The following CNTNAP5 variants were observed in gnomAD, a reference collection of about 807,000 sequenced individuals.
CNTNAP5 encodes contactin associated protein family member 5, also known as contactin-associated protein-like 5.
Under a neutral mutation model 150.2 loss-of-function variants are expected in CNTNAP5, and 72 were observed. That is an observed-to-expected ratio of 0.48 (90% CI 0.40 to 0.58). CNTNAP5 has a LOEUF of 0.58. Ranked by LOEUF, CNTNAP5 falls within the 20% of genes least tolerant of loss-of-function variation. CNTNAP5 has a pLI of 0.00. For missense variants in CNTNAP5, 1,636 were observed against 1,626.2 expected, an observed-to-expected ratio of 1.01 and a Z score of -0.10; for synonymous variants, 672 against 619.8, an observed-to-expected ratio of 1.08 and a Z score of -1.25.
In CNTNAP5 at chr2:124,797,397, G is replaced by A. The variant is rs138502621; in HGVS notation, c.2993-699G>A. Among the ~76,000 whole-genome samples the A allele has an allele frequency of 8.9e-4, 135 of 152,246 alleles. 1 individual carries two copies. In the East Asian group the frequency reaches 0.021, roughly 24 times the overall value. ...GTGGTGGCAGATCTCCATTCAGTGT[G>A]TTATGCTAGAGGGATTGTTTCCCAT... On this transcript the variant is annotated intron_variant, in intron 18 of 23. Transcript: ENST00000682447.
intron 10 of CNTNAP5, among the ~76,000 whole-genome samples, chr2:124,548,659 A>C (rs1018196053): frequency 1.3e-5 from 2 of 152,198 alleles, no homozygotes; most frequent in Non-Finnish European, 2.9e-5. Flanking sequence ...AAAAGGAAAG[A>C]GTGCAGGAAA....
chr2:124,750,770 G>T (rs182396574), intron 14 of CNTNAP5, among the ~76,000 whole-genome samples: 3 of 152,132 alleles, frequency 2.0e-5, no homozygotes, highest in Non-Finnish European at 4.4e-5. Context: ...CGGATCACGA[G>T]GTCAGGAGCT....
At chr2:124,586,512 A>G (rs1696540957) in intron 11 of CNTNAP5, among the ~76,000 whole-genome samples, 1 of 152,220 alleles carries the variant, frequency 6.6e-6, no homozygotes, top group African/African-American at 2.4e-5. Context: ...TATGTATAAA[A>G]TGAAGAATAC....
At chr2:124,098,669 A>G (rs1276835061) in intron 1 of CNTNAP5, among the ~76,000 whole-genome samples, 1 of 152,148 alleles carries the variant, frequency 6.6e-6, no homozygotes, top group Non-Finnish European at 1.5e-5. Context: ...GATTTGGGTT[A>G]TATCTTCAGG....
chr2:124,889,941 T>C (rs1678158745), intron 21 of CNTNAP5, among the ~76,000 whole-genome samples: 1 of 152,118 alleles, frequency 6.6e-6, no homozygotes, highest in Non-Finnish European at 1.5e-5. Flanking sequence ...TGAGTTTTAG[T>C]CAACTGGCAT....
intron 1 of CNTNAP5, among the ~76,000 whole-genome samples, chr2:124,157,147 C>A (rs41392945): frequency 6.0e-5 from 9 of 149,378 alleles, no homozygotes; most frequent in Non-Finnish European, 8.9e-5. Context: ...GATTCTTAAC[C>A]TTATTCTTGG....
intron 21 of CNTNAP5, among the ~76,000 whole-genome samples, chr2:124,900,452 T>C (rs1369935387): frequency 6.6e-6 from 1 of 151,524 alleles, no homozygotes; most frequent in East Asian, 1.9e-4. Flanking sequence ...TTCTTGTTCT[T>C]TGCATTTCTT....
At chr2:124,553,107 T>C (rs1489436258) in intron 10 of CNTNAP5, among the ~76,000 whole-genome samples, 1 of 152,232 alleles carries the variant, frequency 6.6e-6, no homozygotes, top group Non-Finnish European at 1.5e-5. Context: ...AAAATGCCAC[T>C]GTGTCCATGG....
chr2:124,440,576 T>C (rs1449743737), intron 5 of CNTNAP5, among the ~76,000 whole-genome samples: 2 of 152,146 alleles, frequency 1.3e-5, no homozygotes, highest in Admixed American at 6.6e-5. Context: ...ATTGGCATGC[T>C]TATCCACAGC....
At chr2:124,425,920 A>G (rs1373503716) in intron 4 of CNTNAP5, among the ~76,000 whole-genome samples, 2 of 152,222 alleles carry the variant, frequency 1.3e-5, no homozygotes, top group African/African-American at 2.4e-5. Context: ...GATACCTACT[A>G]TGGAAGTTCC....
intron 3 of CNTNAP5, among the ~76,000 whole-genome samples, chr2:124,361,471 G>C (rs1690194999): frequency 6.9e-6 from 1 of 144,686 alleles, no homozygotes; most frequent in Admixed American, 6.9e-5. Flanking sequence ...TGATGGTGAT[G>C]TACAGATGGG....
intron 1 of CNTNAP5, among the ~76,000 whole-genome samples, chr2:124,100,802 T>C (rs1483854368): frequency 6.7e-6 from 1 of 148,848 alleles, no homozygotes; most frequent in Non-Finnish European, 1.5e-5. Context: ...GAGGCAGAGA[T>C]TGCAGTGAAC....
chr2:124,878,131 A>G (rs1677897897), intron 21 of CNTNAP5, among the ~76,000 whole-genome samples: 1 of 152,076 alleles, frequency 6.6e-6, no homozygotes, highest in Non-Finnish European at 1.5e-5. Context: ...TTCTGCTGAG[A>G]AGCTCTGCAT....
chr2:124,573,349 C>T (rs1696208467), intron 11 of CNTNAP5, among the ~76,000 whole-genome samples: 1 of 152,178 alleles, frequency 6.6e-6, no homozygotes. Flanking sequence ...TTTCTTCTTT[C>T]CTTCCTCTTT....
chr2:124,813,896 A>G (rs2104661103), intron 19 of CNTNAP5, among the ~76,000 whole-genome samples: 1 of 151,350 alleles, frequency 6.6e-6, no homozygotes, highest in East Asian at 2.0e-4. Flanking sequence ...TGTTCTGGCC[A>G]CCCTAATCTT....
At chr2:124,619,867 A>ATT (rs1446845819) in intron 12 of CNTNAP5, among the ~76,000 whole-genome samples, 5 of 119,790 alleles carry the variant, frequency 4.2e-5, no homozygotes, top group African/African-American at 1.8e-4. Context: ...ATATATATAT[A>ATT]TATATATATA....
At chr2:124,174,124 A>G (rs75916666) in intron 1 of CNTNAP5, among the ~76,000 whole-genome samples, 1 of 152,040 alleles carries the variant, frequency 6.6e-6, no homozygotes, top group Admixed American at 6.6e-5. Flanking sequence ...AAAAAAAAAA[A>G]AGATTCATTT....
At chr2:124,532,100 G>T (rs1448373834) in intron 10 of CNTNAP5, among the ~76,000 whole-genome samples, 1 of 152,114 alleles carries the variant, frequency 6.6e-6, no homozygotes, top group Non-Finnish European at 1.5e-5. Context: ...AGCATTATTA[G>T]GTTAATAACA....
intron 3 of CNTNAP5, among the ~76,000 whole-genome samples, chr2:124,301,248 C>A (rs1458217683): frequency 1.3e-5 from 2 of 152,172 alleles, no homozygotes; most frequent in East Asian, 3.9e-4. Context: ...TCTCCAAAAA[C>A]CGGACAGCAG....
Sources: allele counts gnomAD v4.1 joint callset (sites outside exome capture counted in the v4.1 genomes callset), GRCh38; gene constraint gnomAD v4.1.1; transcripts MANE v1.5; gene names NCBI Gene and HGNC (gene_info 2026-07-23, HGNC 2026-07-21).